Variants in KIT observed in about 807,000 individuals in gnomAD.
KIT encodes the protein KIT proto-oncogene, receptor tyrosine kinase.
A neutral mutation model predicts 105.7 loss-of-function variants in KIT; 16 were observed. The ratio of observed to expected loss-of-function variants is 0.15; its 90% CI spans 0.10 to 0.23. The LOEUF (loss-of-function observed/expected upper bound fraction) is 0.23. KIT is among the 10% of genes least tolerant of loss of function. The pLI, the probability that KIT is intolerant of heterozygous loss-of-function variation, is 1.00. For missense variants in KIT, 858 were observed against 1,213.8 expected (o/e 0.71, Z 4.36); for synonymous variants, 438 against 441.1 (o/e 0.99, Z 0.09).
chr4:54,711,489 G>A (rs780475563), intron 7 of KIT, among the ~76,000 whole-genome samples: 4 of 152,090 alleles, frequency 2.6e-5, no homozygotes, highest in Admixed American at 6.5e-5. Flanking sequence ...TCCCAAACTC[G>A]TTTGATCACA....
In KIT at chr4:54,738,485, T is replaced by C; in HGVS notation, c.2859T>C (p.His953=). Residue 953 remains histidine (H), a synonymous_variant, in exon 21 of 21, where the codon CAT becomes CAC. Coordinates refer to ENST00000288135, the MANE Select transcript of KIT (RefSeq NM_000222.3). ...SPNRQKPVVD[H]SVRINSVGST... is the part of the protein sequence containing the mutation. The stretch of plus-strand genomic sequence containing the variant: ...ACCGACAGAAGCCCGTGGTAGACCA[T>C]TCTGTGCGGATCAATTCTGTCGGCA... 6.2e-7 allele frequency: 1 copy of C among 1,614,120 alleles called. No individual in the cohort carries two copies. The highest frequency in any genetic ancestry group is 8.5e-7 in the Non-Finnish European group (1 of 1,180,002).
At chr4:54,729,152 T>C (rs1255971258) in intron 13 of KIT, 183 bp from the exon 14 acceptor site, 1 of 618,814 alleles carries the variant, frequency 1.6e-6, no homozygotes. Context: ...TGTTTTATGT[T>C]ACTCCACATA....
chr4:54,723,279 G>T (rs1443378383), intron 7 of KIT, among the ~76,000 whole-genome samples: 1 of 152,154 alleles, frequency 6.6e-6, no homozygotes, highest in Non-Finnish European at 1.5e-5. Context: ...CCTAGAGTTT[G>T]ATTAGAAGCA....
chr4:54,688,177 T>C (rs1719452000), intron 1 of KIT, among the ~76,000 whole-genome samples: 1 of 152,172 alleles, frequency 6.6e-6, no homozygotes, highest in African/African-American at 2.4e-5. Context: ...CTATTTCCAG[T>C]ATCATCTCTT....
chr4:54,690,908 C>A (rs756363003), intron 1 of KIT, among the ~76,000 whole-genome samples: 34 of 152,026 alleles, frequency 2.2e-4, no homozygotes, highest in Non-Finnish European at 4.1e-4. Context: ...TAATAAAAGC[C>A]CTATTTTCAT....
rs536007361 is a variant in KIT at position 54,663,855 on chromosome 4, C to G, written c.67+5774C>G. On this transcript the variant is annotated intron_variant, in intron 1 of 20. Transcript: ENST00000288135. ...GTATTAGTTTAACATCTTTTCTATT[C>G]TCCAGCACTTACACTAAGCTTTGAA... is the stretch of plus-strand genomic sequence containing the variant. 9.8e-4 allele frequency among the ~76,000 whole-genome samples: 149 copies of G among 152,290 alleles called. 1 individual carries two copies. The highest frequency in any genetic ancestry group is 1.8e-3 in the Non-Finnish European group (124 of 68,028).
intron 12 of KIT, 25 bp downstream of exon 12, chr4:54,727,952 G>A (rs1360079380): frequency 6.2e-7 from 1 of 1,610,124 alleles, no homozygotes; most frequent in Admixed American, 1.7e-5. Flanking sequence ...GGTACTGCAT[G>A]CGCTTGACAT....
intron 1 of KIT, among the ~76,000 whole-genome samples, chr4:54,680,677 G>A (rs1718846598): frequency 6.6e-6 from 1 of 152,118 alleles, no homozygotes; most frequent in Non-Finnish European, 1.5e-5. Flanking sequence ...ACAGGTATGA[G>A]CCACCGTGCC....
chr4:54,715,766 A>G (rs181423911), intron 7 of KIT, among the ~76,000 whole-genome samples: 5 of 152,138 alleles, frequency 3.3e-5, no homozygotes, highest in African/African-American at 9.7e-5. Context: ...TGTATCATAG[A>G]CCCGTGAAAG....
At chr4:54,724,010 T>C (rs1386140134) in intron 8 of KIT, among the ~76,000 whole-genome samples, 1 of 152,244 alleles carries the variant, frequency 6.6e-6, no homozygotes, top group Non-Finnish European at 1.5e-5. Context: ...TTCCATTCTA[T>C]ACACAGGAGG....
chr4:54,659,962 C>T (rs1267247869), intron 1 of KIT, among the ~76,000 whole-genome samples: 1 of 152,092 alleles, frequency 6.6e-6, no homozygotes, highest in Non-Finnish European at 1.5e-5. Context: ...TGGCTGCGTG[C>T]CCTTGGCCAG....
chr4:54,669,146 G>A (rs1272268371), intron 1 of KIT, among the ~76,000 whole-genome samples: 3 of 152,124 alleles, frequency 2.0e-5, no homozygotes, highest in African/African-American at 7.2e-5. Context: ...GTCTGTATAT[G>A]TGCAGCTGGG....
At chr4:54,691,529 C>T (rs1195327907) in intron 1 of KIT, among the ~76,000 whole-genome samples, 1 of 152,084 alleles carries the variant, frequency 6.6e-6, no homozygotes, top group Non-Finnish European at 1.5e-5. Flanking sequence ...GAAGAATGTT[C>T]TCAGGATCCT....
At chr4:54,717,966 G>C (rs529119220) in intron 7 of KIT, among the ~76,000 whole-genome samples, 1 of 152,286 alleles carries the variant, frequency 6.6e-6, no homozygotes, top group African/African-American at 2.4e-5. Context: ...GGCTGAAGAA[G>C]TCTCTCTCCA....
In KIT at chr4:54,732,077, A is replaced by C; in HGVS notation, c.2361+79A>C. 3.0e-6 allele frequency: 4 copies of C among 1,327,054 alleles called. No homozygotes were observed. In the Admixed American group the frequency reaches 9.4e-5, roughly 31 times the overall value. The allele number at this position is 1,327,054 out of a possible 1,614,324, so 82.2% of individuals were successfully genotyped here. Reference sequence around the variant, plus strand: ...TTTTTTTTTTTTTTTTTTTGAGAACAGAGCATTTTAGAGCCATAGTTAAAA... The same window carrying C: ...TTTTTTTTTTTTTTTTTTTGAGAACCGAGCATTTTAGAGCCATAGTTAAAA... On this transcript the variant is annotated intron_variant, in intron 16 of 20. Coordinates refer to ENST00000288135, the MANE Select transcript of KIT (RefSeq NM_000222.3).
intron 7 of KIT, among the ~76,000 whole-genome samples, chr4:54,713,030 C>A (rs1721255886): frequency 6.6e-6 from 1 of 151,542 alleles, no homozygotes; most frequent in African/African-American, 2.4e-5. Context: ...GTCCCAGTTG[C>A]TCTTTAGAGA....
intron 7 of KIT, among the ~76,000 whole-genome samples, chr4:54,712,968 T>C (rs896008115): frequency 8.5e-5 from 13 of 152,320 alleles, no homozygotes; most frequent in African/African-American, 3.1e-4. Flanking sequence ...TGCAAACGTT[T>C]GGACAGAGGT....
intron 20 of KIT, among the ~76,000 whole-genome samples, 162 bp downstream of exon 20, chr4:54,737,442 G>C (rs1399878095): frequency 2.0e-5 from 3 of 152,170 alleles, no homozygotes; most frequent in Non-Finnish European, 2.9e-5. Flanking sequence ...ATGGAAACTA[G>C]TTCTTTCTGC....
chr4:54,717,988 C>T (rs1160194396), intron 7 of KIT, among the ~76,000 whole-genome samples: 1 of 152,198 alleles, frequency 6.6e-6, no homozygotes, highest in African/African-American at 2.4e-5. Flanking sequence ...GTAGTTTCAT[C>T]ATTTTTCAAC....
Sources: gnomAD v4.1 joint callset for allele counts (sites outside exome capture counted in the v4.1 genomes callset) on GRCh38, gnomAD v4.1.1 for gene constraint, MANE v1.5 for transcripts, NCBI Gene and HGNC (gene_info 2026-07-23, HGNC 2026-07-21) for gene names.